Variants in IMMP2L observed in about 807,000 individuals in gnomAD.
IMMP2L encodes the protein inner mitochondrial membrane peptidase subunit 2, also known as mitochondrial inner membrane protease subunit 2.
Under a neutral mutation model 19.3 loss-of-function variants are expected in IMMP2L, and 18 were observed. The ratio of observed to expected loss-of-function variants is 0.93; its 90% CI spans 0.64 to 1.38. The LOEUF (loss-of-function observed/expected upper bound fraction) is 1.38. Ranked by LOEUF, IMMP2L falls within the 40% of genes most tolerant of loss-of-function variation. The probability of loss-of-function intolerance (pLI) is 0.00; values close to 1 mark genes in which losing one functional copy is unlikely to be tolerated. For synonymous variants in IMMP2L, 76 were observed against 73.0 expected (o/e 1.04, Z -0.21); for missense variants, 233 against 218.2 (o/e 1.07, Z -0.43).
At chr7:111,282,470 A>C (rs1331052496) in intron 3 of IMMP2L, among the ~76,000 whole-genome samples, 1 of 152,228 alleles carries the variant, frequency 6.6e-6, no homozygotes, top group African/African-American at 2.4e-5. Context: ...GAAATGATAA[A>C]CATATATGCA....
intron 2 of IMMP2L, among the ~76,000 whole-genome samples, chr7:111,496,897 CATAG>C (rs367671688): frequency 0.021 from 3,183 of 151,550 alleles, 107 homozygotes; most frequent in African/African-American, 0.071. Flanking sequence ...TAGATAGATA[CATAG>C]ATAGATAGAT....
At chr7:111,219,567 T>C (rs1055530468) in intron 3 of IMMP2L, among the ~76,000 whole-genome samples, 8 of 152,016 alleles carry the variant, frequency 5.3e-5, no homozygotes, top group Non-Finnish European at 5.9e-5. Flanking sequence ...TAAGTGAGTC[T>C]CTATTTTTGC....
intron 3 of IMMP2L, among the ~76,000 whole-genome samples, chr7:111,452,116 C>CTTG (rs147080137): frequency 0.016 from 2,465 of 152,160 alleles, 63 homozygotes; most frequent in African/African-American, 0.056. Flanking sequence ...GTAACAGTTA[C>CTTG]ATATTAATCA....
intron 3 of IMMP2L, among the ~76,000 whole-genome samples, chr7:111,363,958 C>T (rs1476838189): frequency 6.6e-6 from 1 of 151,884 alleles, no homozygotes; most frequent in Non-Finnish European, 1.5e-5. Flanking sequence ...CCTAAAGGTT[C>T]GATTCAGTAA....
Position 111,208,335 on chromosome 7 carries a change from A to G in IMMP2L, c.240-244770T>C, listed in dbSNP as rs150401280. Among the ~76,000 whole-genome samples, 271 of 152,318 alleles carry G rather than the reference A, an allele frequency of 1.8e-3. 2 individuals are homozygous for G. Among genetic ancestry groups the G allele is most frequent in the African/African-American group, 6.2e-3 (258 of 41,560 alleles). ...AAGAAAAGGGAACGGTGAAAGCAAG[A>G]AGATTTTTACCCATAACATACAGAG... is the stretch of plus-strand genomic sequence containing the variant. On this transcript the variant is annotated intron_variant, in intron 3 of 5. Coordinates refer to ENST00000405709, the MANE Select transcript of IMMP2L (RefSeq NM_032549.4).
chr7:110,850,727 T>C (rs1048655482), intron 5 of IMMP2L, among the ~76,000 whole-genome samples: 3 of 151,384 alleles, frequency 2.0e-5, no homozygotes, highest in Non-Finnish European at 4.4e-5. Flanking sequence ...AAGAAAAAGA[T>C]ACTCAAAAGT....
intron 4 of IMMP2L, among the ~76,000 whole-genome samples, chr7:110,906,590 G>A (rs1812475496): frequency 6.6e-6 from 1 of 152,138 alleles, no homozygotes; most frequent in Non-Finnish European, 1.5e-5. Context: ...CAGCGCTTCG[G>A]AACACAGACT....
chr7:111,490,075 C>A (rs983650303), intron 2 of IMMP2L, among the ~76,000 whole-genome samples: 5 of 150,010 alleles, frequency 3.3e-5, no homozygotes, highest in African/African-American at 1.2e-4. Flanking sequence ...TCATTACACA[C>A]GTGAGCCACC....
intron 3 of IMMP2L, among the ~76,000 whole-genome samples, chr7:111,221,399 A>G (rs923923674): frequency 6.6e-6 from 1 of 152,068 alleles, no homozygotes; most frequent in Non-Finnish European, 1.5e-5. Flanking sequence ...TGGATTCTGT[A>G]GCAAATTATT....
intron 1 of IMMP2L, among the ~76,000 whole-genome samples, chr7:111,556,018 G>GTGTATATATATATATATATAATA (rs777862357): frequency 1.1e-5 from 1 of 91,334 alleles, no homozygotes; most frequent in African/African-American, 3.6e-5. Flanking sequence ...CTGTGTGCAT[G>GTGTATATATATATATATATAATA]TATATATATA....
intron 3 of IMMP2L, among the ~76,000 whole-genome samples, chr7:111,341,616 C>A (rs1827017029): frequency 6.6e-6 from 1 of 152,054 alleles, no homozygotes; most frequent in African/African-American, 2.4e-5. Flanking sequence ...AAATAATTAG[C>A]CTTGATAACA....
Position 111,562,330 on chromosome 7 carries a change from G to A in IMMP2L, c.-482C>T, listed in dbSNP as rs1792184853. ...CTCCCGGCAACGCCCGCCCCGCCGG[G>A]GCCGGGGCCGACTCCCAGGGAAGGG... On this transcript the variant is annotated 5_prime_UTR_variant, in exon 1 of 6. Coordinates refer to ENST00000405709, the MANE Select transcript of IMMP2L (RefSeq NM_032549.4). 6.6e-6 allele frequency: 1 copy of A among 151,608 alleles called. No homozygotes were observed. The highest frequency in any genetic ancestry group is 6.6e-5 in the Admixed American group (1 of 15,218). The allele number at this position is 151,608 out of a possible 1,614,324, so 9.4% of individuals were successfully genotyped here. A position where few individuals can be genotyped will look rare whatever the true frequency, so the allele number is the denominator to read the frequency against.
chr7:111,265,651 AGAAGCACT>A (rs1274360206), intron 3 of IMMP2L, among the ~76,000 whole-genome samples: 2 of 152,216 alleles, frequency 1.3e-5, no homozygotes, highest in East Asian at 3.8e-4. Context: ...CCAGAAGGGC[AGAAGCACT>A]GAGTCTGCAC....
intron 5 of IMMP2L, among the ~76,000 whole-genome samples, chr7:110,773,803 G>A (rs1429080285): frequency 6.7e-6 from 1 of 149,386 alleles, no homozygotes; most frequent in East Asian, 2.0e-4. Context: ...TTAGGCAAGT[G>A]CTCAATGCAG....
chr7:111,429,359 T>A (rs1169502309), intron 3 of IMMP2L, among the ~76,000 whole-genome samples: 1 of 151,932 alleles, frequency 6.6e-6, no homozygotes, highest in Non-Finnish European at 1.5e-5. Flanking sequence ...CAGTCTTTCA[T>A]CTTTCAGCAG....
chr7:110,884,196 T>C (rs1809979369), intron 5 of IMMP2L, among the ~76,000 whole-genome samples: 1 of 152,036 alleles, frequency 6.6e-6, no homozygotes. Flanking sequence ...ATCAGTTATT[T>C]TGTGTGCTGG....
intron 3 of IMMP2L, among the ~76,000 whole-genome samples, chr7:111,480,608 A>AG (rs1172663252): frequency 6.7e-6 from 1 of 149,414 alleles, no homozygotes; most frequent in Non-Finnish European, 1.5e-5. Context: ...AAAAAAAAAA[A>AG]AAAAAAAAAA....
chr7:110,911,847 T>C (rs1046987448), intron 4 of IMMP2L, among the ~76,000 whole-genome samples: 2 of 152,136 alleles, frequency 1.3e-5, no homozygotes, highest in African/African-American at 4.8e-5. Flanking sequence ...GGAAAATTCA[T>C]GTATGTATTT....
intron 4 of IMMP2L, among the ~76,000 whole-genome samples, chr7:110,939,091 G>T (rs1214070959): frequency 6.6e-6 from 1 of 152,100 alleles, no homozygotes; most frequent in East Asian, 1.9e-4. Context: ...AAAGGTAGAA[G>T]AAAGTATAGA....
Sources: gnomAD v4.1 joint callset for allele counts (sites outside exome capture counted in the v4.1 genomes callset) on GRCh38, gnomAD v4.1.1 for gene constraint, MANE v1.5 for transcripts, NCBI Gene and HGNC (gene_info 2026-07-23, HGNC 2026-07-21) for gene names.